Variants in ZNF385D observed in about 807,000 individuals in gnomAD.
ZNF385D encodes zinc finger protein 659.
Under a neutral mutation model 35.8 loss-of-function variants are expected in ZNF385D, and 15 were observed. The ratio of observed to expected loss-of-function variants is 0.42; its 90% confidence interval spans 0.28 to 0.64. The LOEUF is 0.64. ZNF385D is among the 30% of genes least tolerant of loss of function. ZNF385D has a pLI of 0.23. For missense variants in ZNF385D, 474 were observed against 494.6 expected, an observed-to-expected ratio of 0.96 and a Z score of 0.39; for synonymous variants, 212 against 186.8, an observed-to-expected ratio of 1.13 and a Z score of -1.10.
intron 3 of ZNF385D, among the ~76,000 whole-genome samples, chr3:21,804,839 A>G (rs973829912): frequency 7.1e-6 from 1 of 140,586 alleles, no homozygotes; most frequent in East Asian, 2.1e-4. Flanking sequence ...TGTTGTTTCT[A>G]CTGTTTTCCC....
At chr3:21,930,007 G>A (rs1036858938) in intron 3 of ZNF385D, among the ~76,000 whole-genome samples, 4 of 151,948 alleles carry the variant, frequency 2.6e-5, no homozygotes, top group African/African-American at 9.7e-5. Flanking sequence ...TATTGGTAAC[G>A]AAGAATAAAG....
intron 3 of ZNF385D, among the ~76,000 whole-genome samples, chr3:21,760,380 C>T (rs566984199): frequency 2.6e-5 from 4 of 152,150 alleles, no homozygotes; most frequent in African/African-American, 9.7e-5. Context: ...GCTATATGAT[C>T]AACTGGATTT....
chr3:22,158,157 T>G (rs1705713265), intron 3 of ZNF385D, among the ~76,000 whole-genome samples: 1 of 152,110 alleles, frequency 6.6e-6, no homozygotes, highest in Admixed American at 6.6e-5. Flanking sequence ...CTCCGGTTTA[T>G]AACCCCCAGA....
At chr3:21,554,833 G>T in intron 3 of ZNF385D, among the ~76,000 whole-genome samples, 1 of 152,100 alleles carries the variant, frequency 6.6e-6, no homozygotes, top group East Asian at 1.9e-4. Flanking sequence ...TCCAGCTTCA[G>T]ACATTTTTTT....
chr3:22,311,686 T>A (rs1703559434), intron 2 of ZNF385D, among the ~76,000 whole-genome samples: 1 of 152,054 alleles, frequency 6.6e-6, no homozygotes, highest in Non-Finnish European at 1.5e-5. Context: ...TGTAGAGGAG[T>A]GGAGAAAAAG....
intron 3 of ZNF385D, among the ~76,000 whole-genome samples, chr3:21,870,931 C>CT: frequency 6.6e-6 from 1 of 152,146 alleles, no homozygotes; most frequent in Non-Finnish European, 1.5e-5. Flanking sequence ...TAGTTGCACT[C>CT]TTGCTCTCCT....
intron 2 of ZNF385D, among the ~76,000 whole-genome samples, chr3:22,264,498 T>C (rs1700797058): frequency 6.6e-6 from 1 of 152,036 alleles, no homozygotes; most frequent in African/African-American, 2.4e-5. Flanking sequence ...CAATACAGTG[T>C]GACCAAAGAT....
chr3:21,997,557 G>GA (rs35859359), intron 3 of ZNF385D, among the ~76,000 whole-genome samples: 6,322 of 145,016 alleles, frequency 0.044, 186 homozygotes, highest in East Asian at 0.16. Flanking sequence ...TATCTCTGCA[G>GA]AAAAAAAAAA....
chr3:21,991,505 A>G (rs1451488717), intron 3 of ZNF385D, among the ~76,000 whole-genome samples: 1 of 152,222 alleles, frequency 6.6e-6, no homozygotes, highest in Admixed American at 6.5e-5. Flanking sequence ...ATAAGAAAAA[A>G]CAATTTGGAA....
At chr3:21,983,054 T>C (rs1247990572) in intron 3 of ZNF385D, among the ~76,000 whole-genome samples, 1 of 151,962 alleles carries the variant, frequency 6.6e-6, no homozygotes, top group East Asian at 1.9e-4. Flanking sequence ...AAGTTTTCTT[T>C]TTTTGTTGTG....
intron 2 of ZNF385D, among the ~76,000 whole-genome samples, chr3:21,648,395 TTA>T (rs1198213902): frequency 6.6e-6 from 1 of 152,154 alleles, no homozygotes; most frequent in Non-Finnish European, 1.5e-5. Flanking sequence ...CCTCTTTTCT[TTA>T]TGTTACCCAG....
intron 1 of ZNF385D, among the ~76,000 whole-genome samples, chr3:21,749,815 G>A (rs1171993003): frequency 6.6e-6 from 1 of 152,170 alleles, no homozygotes. Context: ...AAACAAAACA[G>A]AGCAAATAGT....
rs530379143 is a variant in ZNF385D, at chr3:21,610,615, A to C, written c.166-45931T>G. 3.0e-3 allele frequency among the ~76,000 whole-genome samples: 418 copies of C among 138,802 alleles called. 2 individuals carry two copies. The highest frequency in any genetic ancestry group is 0.011 in the African/African-American group (402 of 37,016). 91.1% of individuals were successfully genotyped at this position (138,802 alleles called of 152,430 possible). On this transcript the variant is annotated intron_variant, in intron 2 of 7. Transcript: ENST00000281523. ...GAAACCCCATCTCTACTAAACATAC[A>C]AAAAAAAAAATTAGCCAGGTATGGT... is the stretch of plus-strand genomic sequence containing the variant.
intron 2 of ZNF385D, among the ~76,000 whole-genome samples, chr3:22,233,058 C>T (rs999134668): frequency 2.0e-5 from 3 of 152,066 alleles, no homozygotes; most frequent in African/African-American, 7.2e-5. Flanking sequence ...CCATGATGCC[C>T]TGGGAAATTT....
intron 2 of ZNF385D, among the ~76,000 whole-genome samples, chr3:21,633,635 A>T (rs1180467053): frequency 1.3e-5 from 2 of 152,068 alleles, no homozygotes; most frequent in African/African-American, 4.8e-5. Flanking sequence ...CTGAGGAAAT[A>T]TCAGATAGTA....
intron 2 of ZNF385D, among the ~76,000 whole-genome samples, chr3:21,609,283 TATAGATAGA>T (rs983809869): frequency 1.3e-5 from 2 of 152,232 alleles, no homozygotes; most frequent in African/African-American, 4.8e-5. Context: ...TAGGGTCAGC[TATAGATAGA>T]ATTGCCATTA....
intron 3 of ZNF385D, among the ~76,000 whole-genome samples, chr3:21,818,977 CAA>C (rs1281727132): frequency 6.6e-6 from 1 of 151,596 alleles, no homozygotes; most frequent in African/African-American, 2.4e-5. Flanking sequence ...CAAAATTAAA[CAA>C]AAGTAAAATT....
At chr3:22,011,673 A>G (rs1696583462) in intron 3 of ZNF385D, among the ~76,000 whole-genome samples, 1 of 152,116 alleles carries the variant, frequency 6.6e-6, no homozygotes, top group Non-Finnish European at 1.5e-5. Flanking sequence ...TAATGATATA[A>G]TAAAAGCTAT....
chr3:22,100,573 C>T (rs531778735), intron 3 of ZNF385D, among the ~76,000 whole-genome samples: 58 of 151,214 alleles, frequency 3.8e-4, no homozygotes, highest in African/African-American at 1.3e-3. Flanking sequence ...TCTCAGTAAA[C>T]TATCACAAGG....
Sources: gnomAD v4.1 joint callset for allele counts (sites outside exome capture counted in the v4.1 genomes callset) on GRCh38, gnomAD v4.1.1 for gene constraint, MANE v1.5 for transcripts, NCBI Gene and HGNC (gene_info 2026-07-23, HGNC 2026-07-21) for gene names.